The following PIK3CB variants were observed in gnomAD, a reference collection of about 807,000 sequenced individuals.
The protein encoded by PIK3CB is phosphatidylinositol-4,5-bisphosphate 3-kinase catalytic subunit beta.
Under a neutral mutation model 136.8 loss-of-function variants are expected in PIK3CB, and 39 were observed. The observed-to-expected ratio is 0.29, with a 90% CI of 0.22 to 0.37. PIK3CB has a LOEUF of 0.37. Ranked by LOEUF, PIK3CB falls within the 10% of genes least tolerant of loss-of-function variation. PIK3CB has a pLI of 1.00. For missense variants in PIK3CB, 868 were observed against 1,275.4 expected, an observed-to-expected ratio of 0.68 and a Z score of 4.87; for synonymous variants, 428 against 436.6, an observed-to-expected ratio of 0.98 and a Z score of 0.25.
At chr3:138,675,960 A>T (rs2043633661) in intron 19 of PIK3CB, among the ~76,000 whole-genome samples, 2 of 152,210 alleles carry the variant, frequency 1.3e-5, no homozygotes, top group African/African-American at 4.8e-5. Context: ...GTGCTGAGAC[A>T]ACTATACATC....
chr3:138,740,737 C>A (rs1163852773), intron 5 of PIK3CB, among the ~76,000 whole-genome samples: 1 of 152,048 alleles, frequency 6.6e-6, no homozygotes, highest in Non-Finnish European at 1.5e-5. Flanking sequence ...GCTGCAAACT[C>A]CGCCTTCTGG....
chr3:138,785,879 G>A (rs2045977089), intron 2 of PIK3CB, among the ~76,000 whole-genome samples: 1 of 149,718 alleles, frequency 6.7e-6, no homozygotes, highest in Non-Finnish European at 1.5e-5. Context: ...TCACATGAAT[G>A]TTTAAGGTGA....
chr3:138,735,257 T>C lies in PIK3CB; in HGVS notation c.802-453A>G, dbSNP rs750417201. 2.0e-5 allele frequency among the ~76,000 whole-genome samples: 3 copies of C among 152,014 alleles called. No individual in the cohort carries two copies. In the East Asian group the frequency reaches 5.8e-4, roughly 29 times the overall value. ...AGCCACCAAGCCCAGCCTAAGCATA[T>C]GAGAATTTTAAATCACAATACAAAA... On this transcript the variant is annotated intron_variant, in intron 6 of 23. Transcript: ENST00000674063.
chr3:138,813,177 G>A (rs188644636), intron 1 of PIK3CB, among the ~76,000 whole-genome samples: 231 of 152,134 alleles, frequency 1.5e-3, no homozygotes, highest in Non-Finnish European at 1.2e-3. Flanking sequence ...TTTAGGAGGG[G>A]CTACAATTCT....
intron 19 of PIK3CB, among the ~76,000 whole-genome samples, chr3:138,681,329 T>C (rs1444643068): frequency 6.6e-6 from 1 of 152,114 alleles, no homozygotes; most frequent in Non-Finnish European, 1.5e-5. Context: ...TACAGGTGTG[T>C]GCCAACATGC....
chr3:138,716,685 C>A (rs1262614510), intron 8 of PIK3CB, among the ~76,000 whole-genome samples: 1 of 151,556 alleles, frequency 6.6e-6, no homozygotes, highest in African/African-American at 2.4e-5. Flanking sequence ...CACTTGAGGT[C>A]AAGAGTTCAA....
intron 1 of PIK3CB, among the ~76,000 whole-genome samples, chr3:138,830,100 T>C (rs1338343951): frequency 6.6e-6 from 1 of 152,148 alleles, no homozygotes; most frequent in Non-Finnish European, 1.5e-5. Flanking sequence ...GGCATTAGAA[T>C]GTTTTGAACT....
intron 12 of PIK3CB, among the ~76,000 whole-genome samples, chr3:138,702,050 T>C (rs1272696925): frequency 6.6e-6 from 1 of 151,422 alleles, no homozygotes; most frequent in Non-Finnish European, 1.5e-5. Context: ...CAATTAGCTC[T>C]GGAGAGGAAG....
intron 3 of PIK3CB, among the ~76,000 whole-genome samples, chr3:138,758,556 A>C (rs2045613649): frequency 6.6e-6 from 1 of 152,250 alleles, no homozygotes; most frequent in Non-Finnish European, 1.5e-5. Flanking sequence ...ATGCCATTTT[A>C]GAATTCCAGT....
At chr3:138,717,998 G>A (rs1164575471) in intron 8 of PIK3CB, among the ~76,000 whole-genome samples, 4 of 152,068 alleles carry the variant, frequency 2.6e-5, no homozygotes, top group East Asian at 1.9e-4. Flanking sequence ...ATGAACATTC[G>A]CATGCATGTG....
chr3:138,666,326 AC>A (rs1421816635), intron 19 of PIK3CB, among the ~76,000 whole-genome samples: 1 of 152,064 alleles, frequency 6.6e-6, no homozygotes, highest in African/African-American at 2.4e-5. Context: ...GAGTGCCACT[AC>A]GCCTGGCTAG....
intron 1 of PIK3CB, among the ~76,000 whole-genome samples, chr3:138,811,179 G>A (rs181176732): frequency 3.0e-4 from 40 of 131,820 alleles, no homozygotes; most frequent in African/African-American, 1.1e-3. Flanking sequence ...GTGAGCAGAG[G>A]TTGCAGTGAG....
chr3:138,803,256 A>G (rs1353067019), intron 1 of PIK3CB, among the ~76,000 whole-genome samples: 1 of 152,224 alleles, frequency 6.6e-6, no homozygotes, highest in African/African-American at 2.4e-5. Flanking sequence ...AGGCAGGGAG[A>G]GTTCCAGAGA....
Position 138,694,802 on chromosome 3 carries a change from A to G in PIK3CB, c.1876T>C (p.Cys626Arg). The G allele has an allele frequency of 1.2e-6, 2 of 1,612,824 alleles. No homozygotes were observed. The highest frequency in any genetic ancestry group is 1.7e-6 in the Non-Finnish European group (2 of 1,179,412). The change falls in exon 14 of 24, where the codon TGC (cysteine) becomes CGC (arginine). Residue 626 changes from cysteine (C) to arginine (R), a missense_variant. Physicochemically the swap from Cys to Arg is radical, Grantham distance 180 (BLOSUM62 -3). Transcript: ENST00000674063. ...AGAAGATACCTCATCTGTCGCAGGC[A>G]GCCTACAGCATATTCTCGAACGTAC... is the stretch of plus-strand genomic sequence containing the variant. ...DQYVREYAVG[C>R]LRQMSDEELS...
intron 8 of PIK3CB, among the ~76,000 whole-genome samples, chr3:138,730,939 A>G (rs1298316590): frequency 1.3e-5 from 2 of 152,050 alleles, no homozygotes; most frequent in Non-Finnish European, 2.9e-5. Flanking sequence ...CTAAATAAAT[A>G]ATTTTTTTAA....
At chr3:138,758,843 A>G (rs896330936) in intron 3 of PIK3CB, among the ~76,000 whole-genome samples, 1 of 152,202 alleles carries the variant, frequency 6.6e-6, no homozygotes, top group Non-Finnish European at 1.5e-5. Flanking sequence ...GAACAGCAGA[A>G]AAGTCTTTCT....
Position 138,776,456 on chromosome 3 carries a change from G to A in PIK3CB, c.-16-17097C>T, listed in dbSNP as rs969476767. The stretch of plus-strand genomic sequence containing the variant: ...TGTAATTCGAGTACTGTGAGAGGGC[G>A]AGGCAGAGGATCCCTTGAGGCCAGA... On this transcript the variant is annotated intron_variant, in intron 2 of 23. Coordinates refer to ENST00000674063, the MANE Select transcript of PIK3CB (RefSeq NM_006219.3). 4.6e-5 allele frequency among the ~76,000 whole-genome samples: 7 copies of A among 152,120 alleles called. No homozygotes were observed. In the East Asian group the frequency reaches 5.8e-4, roughly 13 times the overall value.
At chr3:138,737,994 T>C in intron 5 of PIK3CB, 108 bp from the exon 6 acceptor site, 1 of 586,760 alleles carries the variant, frequency 1.7e-6, no homozygotes, top group Non-Finnish European at 2.8e-6. Flanking sequence ...ATAATATTTA[T>C]ATGGGTACAT....
intron 1 of PIK3CB, among the ~76,000 whole-genome samples, chr3:138,819,971 CTCGA>C (rs1202976511): frequency 6.6e-6 from 1 of 152,130 alleles, no homozygotes; most frequent in African/African-American, 2.4e-5. Context: ...GAGACTCTGT[CTCGA>C]TCAATCAATC....
Sources: gnomAD v4.1 joint callset for allele counts (sites outside exome capture counted in the v4.1 genomes callset) on GRCh38, gnomAD v4.1.1 for gene constraint, MANE v1.5 for transcripts, NCBI Gene and HGNC (gene_info 2026-07-23, HGNC 2026-07-21) for gene names.